Variants in TMEM160 observed in about 807,000 individuals in gnomAD.
TMEM160 encodes transmembrane protein 160.
A neutral mutation model predicts 13.9 loss-of-function variants in TMEM160; 10 were observed. The observed-to-expected ratio is 0.72, with a 90% CI of 0.45 to 1.22. The LOEUF is 1.22. TMEM160 is among the 50% of genes most tolerant of loss of function. The pLI, the probability that TMEM160 is intolerant of heterozygous loss-of-function variation, is 0.00. For missense variants in TMEM160, 287 were observed against 283.2 expected, an observed-to-expected ratio of 1.01 and a Z score of -0.10; for synonymous variants, 159 against 134.8, an observed-to-expected ratio of 1.18 and a Z score of -1.25.
At chr19:47,047,205 G>A in intron 1 of TMEM160, 2 of 960,726 alleles carry the variant, frequency 2.1e-6, no homozygotes, top group Non-Finnish European at 1.2e-6. Flanking sequence ...GTGAGACTCC[G>A]TCTCAAAAAA....
intron 1 of TMEM160, 47 bp downstream of exon 1, chr19:47,048,360 C>T: frequency 1.4e-6 from 2 of 1,421,068 alleles, no homozygotes; most frequent in South Asian, 2.6e-5. Context: ...CCACGCGAGC[C>T]CGGGACCCCC....
Position 47,045,987 on chromosome 19 carries a change from T to C in TMEM160, c.567A>G (p.Ter189TrpextTer?). 1 of 1,536,836 alleles carries C rather than the reference T, an allele frequency of 6.5e-7. No homozygotes were observed. Among genetic ancestry groups the C allele is most frequent in the South Asian group, 1.2e-5 (1 of 84,068 alleles). Residue 189 changes from the stop codon to tryptophan (W), a stop_lost, in exon 3 of 3, where the codon TGA (stop) becomes TGG (tryptophan). Coordinates refer to ENST00000253047, the MANE Select transcript of TMEM160 (RefSeq NM_017854.2). ...CTGCCAGGCCCCACGGCCGTGTCGC[T>C]CACTCGGGTGGCGGCCGACCCGCCT... ...PDEAGRPPPE[*>W]
At chr19:47,047,250 G>A (rs1272096794) in intron 1 of TMEM160, 9 of 984,614 alleles carry the variant, frequency 9.1e-6, no homozygotes, top group Non-Finnish European at 1.1e-5. Flanking sequence ...GCAGAATGTG[G>A]AGGACAATCT....
intron 1 of TMEM160, 77 bp from the exon 2 acceptor site, chr19:47,046,762 G>GA: frequency 2.7e-6 from 3 of 1,103,398 alleles, no homozygotes; most frequent in Non-Finnish European, 4.1e-6. Context: ...CAGTCAAACT[G>GA]AGGGGCCTCC....
chr19:47,046,344 C>G (rs73566537), intron 2 of TMEM160, 92 bp from the exon 3 acceptor site: 13 of 1,420,684 alleles, frequency 9.2e-6, no homozygotes, highest in Admixed American at 7.5e-5. Context: ...GAGGCAGGGC[C>G]GTGCCAGGGG....
At chr19:47,046,800 G>A (rs2122578603) in intron 1 of TMEM160, 115 bp from the exon 2 acceptor site, 2 of 759,902 alleles carry the variant, frequency 2.6e-6, no homozygotes, top group East Asian at 2.6e-5. Context: ...CCATCCAGCC[G>A]CAAGGCAAGC....
chr19:47,048,365 A>G (rs1424193881), intron 1 of TMEM160, 42 bp downstream of exon 1: 2 of 1,394,190 alleles, frequency 1.4e-6, no homozygotes, highest in Admixed American at 2.7e-5. Context: ...CGAGCCCGGG[A>G]CCCCCGTCCC....
chr19:47,046,301 G>T, intron 2 of TMEM160, 49 bp from the exon 3 acceptor site: 1 of 1,503,220 alleles, frequency 6.7e-7, no homozygotes, highest in South Asian at 1.3e-5. Context: ...GGGATGGTCT[G>T]GGAGCAAAGC....
intron 1 of TMEM160, chr19:47,047,484 G>T: frequency 2.0e-6 from 2 of 985,236 alleles, no homozygotes; most frequent in Non-Finnish European, 2.4e-6. Context: ...ACCGAGTATG[G>T]CCTGGGCCAA....
At chr19:47,047,799 T>C (rs1263363584) in intron 1 of TMEM160, 10 of 756,184 alleles carry the variant, frequency 1.3e-5, no homozygotes, top group Non-Finnish European at 1.6e-5. Context: ...TGGGCTACGA[T>C]TGCGCCACTG....
rs763163121 is a variant in TMEM160, at chr19:47,048,548, G to A, written c.67C>T (p.Leu23=). The A allele has an allele frequency of 7.3e-6, 11 of 1,507,086 alleles. No homozygotes were observed. Among genetic ancestry groups the A allele is most frequent in the Non-Finnish European group, 9.7e-6 (11 of 1,135,620 alleles). 93.4% of individuals were successfully genotyped at this position (1,507,086 alleles called of 1,614,324 possible). The change falls in exon 1 of 3, where the codon CTG becomes TTG. Residue 23 remains leucine (L), a synonymous_variant. Transcript: ENST00000253047. Reference sequence around the variant, plus strand: ...CCGCTCCGGGGCCGCTGAGGCGGCAGTAGCGACCTCCGGAAGCGAAGACGG... The same window carrying A: ...CCGCTCCGGGGCCGCTGAGGCGGCAATAGCGACCTCCGGAAGCGAAGACGG... ...LARLRFRRSL[L]PPQRPRSGGA... is the part of the protein sequence containing the mutation.
rs1375647859 is a variant in TMEM160, at chr19:47,048,590, G to C, written c.25C>G (p.Arg9Gly). The change falls in exon 1 of 3, where the codon CGG becomes GGG. Residue 9 changes from arginine to glycine, a missense_variant. Transcript: ENST00000253047. MGGGWWWA[R>G]AARLARLRFR... ...CGAAGACGGGCAAGGCGAGCGGCCC[G>C]AGCCCACCACCAGCCGCCTCCCATG... The C allele has an allele frequency of 3.9e-6, 6 of 1,530,834 alleles. No individual in the cohort carries two copies. Among genetic ancestry groups the C allele is most frequent in the African/African-American group, 2.8e-5 (2 of 70,370 alleles). 94.8% of individuals were successfully genotyped at this position (1,530,834 alleles called of 1,614,324 possible).
rs1346699492 is a variant in TMEM160 at position 47,046,055 on chromosome 19, C to T, written c.499G>A (p.Val167Met). The change falls in exon 3 of 3, where the codon GTG (valine) becomes ATG (methionine). Residue 167 changes from valine to methionine, a missense_variant. Coordinates refer to ENST00000253047, the MANE Select transcript of TMEM160 (RefSeq NM_017854.2). The part of the protein sequence containing the change: ...MGQLELDVEL[V>M]PEDDGTASAE... ...GAGGCCGTCCCGTCGTCCTCGGGCA[C>T]CAGCTCCACGTCCAGCTCCAGCTGC... The T allele has an allele frequency of 2.6e-6, 4 of 1,548,404 alleles. No individual in the cohort carries two copies. The South Asian group carries it at 4.7e-5, about 18-fold the overall frequency.
At position 47,048,585 on chromosome 19, in the gene TMEM160, G is replaced by A. The variant is rs752150944; in HGVS notation, c.30C>T (p.Ala10=). The change falls in exon 1 of 3, where the codon GCC becomes GCT. Residue 10 remains alanine (A), a synonymous_variant. Transcript: ENST00000253047. The stretch of plus-strand genomic sequence containing the variant: ...GGAAGCGAAGACGGGCAAGGCGAGC[G>A]GCCCGAGCCCACCACCAGCCGCCTC... MGGGWWWAR[A]ARLARLRFRR... is the part of the protein sequence containing the mutation. The A allele has an allele frequency of 7.0e-5, 107 of 1,525,738 alleles. No homozygotes were observed. The African/African-American group carries it at 1.3e-3, about 19-fold the overall frequency. 94.5% of individuals were successfully genotyped at this position (1,525,738 alleles called of 1,614,324 possible).
intron 1 of TMEM160, chr19:47,047,759 T>C (rs1162401423): frequency 2.5e-5 from 14 of 566,932 alleles, no homozygotes; most frequent in Non-Finnish European, 3.1e-5. Flanking sequence ...GGCAAGAGGA[T>C]AGCTTGAGCC....
intron 1 of TMEM160, chr19:47,047,738 CAGG>C (rs754587432): frequency 3.7e-6 from 2 of 540,516 alleles, no homozygotes; most frequent in Non-Finnish European, 4.7e-6. Context: ...TCCAGCTAAG[CAGG>C]AGGCTGAGGC....
At position 47,046,704 on chromosome 19, in the gene TMEM160, G is replaced by A. The variant is rs73566538; in HGVS notation, c.209-19C>T. On this transcript the variant is annotated intron_variant, in intron 1 of 2. Coordinates refer to ENST00000253047, the MANE Select transcript of TMEM160 (RefSeq NM_017854.2). ...AGGAAGGCTGGAGGGAGGGGGACAT[G>A]GGGGGATTAACATCACCCCCAACCC... The A allele has an allele frequency of 0.13, 197,983 of 1,582,690 alleles. 13,583 individuals are homozygous for A. Among genetic ancestry groups the A allele is most frequent in the Middle Eastern group, 0.2 (1,221 of 6,000 alleles).
Position 47,046,623 on chromosome 19 carries a change from G to A in TMEM160, c.271C>T (p.Gln91Ter). The A allele has an allele frequency of 1.2e-6, 2 of 1,613,490 alleles. No homozygotes were observed. Among genetic ancestry groups the A allele is most frequent in the Non-Finnish European group, 1.7e-6 (2 of 1,179,916 alleles). ...ASGIGVISFM[Q>*]SDMGREAAYG... ...GCTGCTTCCCGACCCATGTCACTCT[G>A]CATGAAGGAGATGACCCCGATGCCC... The change falls in exon 2 of 3, where the codon CAG (glutamine) becomes TAG (stop). Residue 91 changes from glutamine (Q) to a stop codon, truncating the protein, a stop_gained. Coordinates refer to ENST00000253047, the MANE Select transcript of TMEM160 (RefSeq NM_017854.2). LOFTEE classifies it high-confidence loss of function.
At position 47,046,703 on chromosome 19, in the gene TMEM160, T is replaced by TG; in HGVS notation, c.209-19dup. 1 of 1,584,432 alleles carries TG rather than the reference T, an allele frequency of 6.3e-7. No homozygotes were observed. Among genetic ancestry groups the TG allele is most frequent in the Non-Finnish European group, 8.7e-7 (1 of 1,155,612 alleles). ...GAGGAAGGCTGGAGGGAGGGGGACA[T>TG]GGGGGGATTAACATCACCCCCAACC... On this transcript the variant is annotated intron_variant, in intron 1 of 2. Transcript: ENST00000253047.
Sources: allele counts gnomAD v4.1 joint callset, GRCh38; gene constraint gnomAD v4.1.1; transcripts MANE v1.5; gene names NCBI Gene and HGNC (gene_info 2026-07-23, HGNC 2026-07-21).